Variants in SLIT2 observed in about 807,000 individuals in gnomAD.
SLIT2 encodes the protein slit guidance ligand 2.
SLIT2 carries 41 observed loss-of-function variants against 185.7 expected under a neutral mutation model. The ratio of observed to expected loss-of-function variants is 0.22; its 90% CI spans 0.17 to 0.29. The LOEUF is 0.29. SLIT2 is among the 10% of genes least tolerant of loss of function. The pLI is 1.00. For synonymous variants in SLIT2, 693 were observed against 680.2 expected, an observed-to-expected ratio of 1.02 and a Z score of -0.29; for missense variants, 1,571 against 1,909.0, an observed-to-expected ratio of 0.82 and a Z score of 3.30.
intron 15 of SLIT2, among the ~76,000 whole-genome samples, chr4:20,527,025 G>A (rs999996221): frequency 2.0e-5 from 3 of 152,178 alleles, no homozygotes; most frequent in African/African-American, 4.8e-5. Flanking sequence ...ACTGCCAAAT[G>A]TAATGAAACG....
intron 9 of SLIT2, among the ~76,000 whole-genome samples, chr4:20,508,490 A>G (rs1459657785): frequency 6.6e-6 from 1 of 152,110 alleles, no homozygotes; most frequent in East Asian, 1.9e-4. Flanking sequence ...AATGTCTTAC[A>G]AAATGTTAAA....
chr4:20,554,892 C>A (rs1724109855), intron 26 of SLIT2, among the ~76,000 whole-genome samples: 1 of 152,114 alleles, frequency 6.6e-6, no homozygotes, highest in Non-Finnish European at 1.5e-5. Context: ...GCCTCAGCCT[C>A]CCGAGTAGCT....
chr4:20,337,772 A>G (rs138009566), intron 4 of SLIT2, among the ~76,000 whole-genome samples: 69 of 152,312 alleles, frequency 4.5e-4, no homozygotes, highest in African/African-American at 1.6e-3. Context: ...GTTGATCTCA[A>G]CATGTAGCAG....
At chr4:20,539,704 G>T in intron 19 of SLIT2, 120 bp downstream of exon 19, 4 of 600,006 alleles carry the variant, frequency 6.7e-6, no homozygotes, top group South Asian at 5.7e-5. Context: ...ACTTAAAAAA[G>T]GACAAACTTG....
At chr4:20,325,809 G>A (rs1264753267) in intron 4 of SLIT2, among the ~76,000 whole-genome samples, 1 of 152,012 alleles carries the variant, frequency 6.6e-6, no homozygotes, top group Non-Finnish European at 1.5e-5. Context: ...TTCAAAGCTA[G>A]GAAAGAAAAA....
chr4:20,601,693 T>C, intron 33 of SLIT2, among the ~76,000 whole-genome samples: 1 of 152,228 alleles, frequency 6.6e-6, no homozygotes, highest in East Asian at 1.9e-4. Context: ...GTGTAAAATC[T>C]TTGATGAAAG....
chr4:20,328,868 G>A (rs926261703), intron 4 of SLIT2, among the ~76,000 whole-genome samples: 2 of 152,050 alleles, frequency 1.3e-5, no homozygotes, highest in African/African-American at 4.8e-5. Context: ...CAAAATAAAT[G>A]TGTGTATGTA....
intron 25 of SLIT2, among the ~76,000 whole-genome samples, chr4:20,553,439 T>C (rs116190595): frequency 0.024 from 3,579 of 152,284 alleles, 61 homozygotes; most frequent in South Asian, 0.1. Context: ...CTCAGAACCT[T>C]GCATTGTGAC....
At chr4:20,259,670 A>G (rs1315518989) in intron 3 of SLIT2, among the ~76,000 whole-genome samples, 1 of 151,800 alleles carries the variant, frequency 6.6e-6, no homozygotes, top group Non-Finnish European at 1.5e-5. Context: ...ATTTGATTAG[A>G]GTTGTAAGTA....
intron 4 of SLIT2, among the ~76,000 whole-genome samples, chr4:20,369,402 CT>C (rs1723390253): frequency 6.6e-6 from 1 of 152,114 alleles, no homozygotes; most frequent in Non-Finnish European, 1.5e-5. Flanking sequence ...GAAAACCCAG[CT>C]GCTGTGGGCT....
At chr4:20,611,166 A>G (rs1477631693) in intron 34 of SLIT2, among the ~76,000 whole-genome samples, 1 of 152,252 alleles carries the variant, frequency 6.6e-6, no homozygotes, top group Admixed American at 6.5e-5. Context: ...TTTCATCACC[A>G]TGACAGATAT....
intron 4 of SLIT2, among the ~76,000 whole-genome samples, chr4:20,401,674 G>A (rs926004035): frequency 6.6e-6 from 1 of 151,840 alleles, no homozygotes; most frequent in Admixed American, 6.6e-5. Context: ...TTGACATAAT[G>A]AAGAGATTAT....
At chr4:20,348,796 C>G (rs1721642506) in intron 4 of SLIT2, among the ~76,000 whole-genome samples, 1 of 152,194 alleles carries the variant, frequency 6.6e-6, no homozygotes, top group African/African-American at 2.4e-5. Flanking sequence ...CAGTGGCCTT[C>G]TGCAGCTCTG....
intron 9 of SLIT2, among the ~76,000 whole-genome samples, chr4:20,510,275 T>A (rs1001098026): frequency 2.0e-5 from 3 of 152,180 alleles, no homozygotes; most frequent in African/African-American, 7.2e-5. Context: ...TACTTAAAAA[T>A]CTGAATATTT....
At chr4:20,561,133 A>G (rs1000235804) in intron 26 of SLIT2, among the ~76,000 whole-genome samples, 3 of 151,818 alleles carry the variant, frequency 2.0e-5, no homozygotes, top group African/African-American at 4.8e-5. Context: ...GAGGAGGCCC[A>G]AAAGGGGAGG....
At chr4:20,443,510 A>G (rs1415947205) in intron 4 of SLIT2, among the ~76,000 whole-genome samples, 1 of 145,994 alleles carries the variant, frequency 6.8e-6, no homozygotes, top group Non-Finnish European at 1.5e-5. Flanking sequence ...TTAGTCATTC[A>G]TTCATTCATC....
chr4:20,370,826 G>A lies in SLIT2; in HGVS notation c.396-96926G>A, dbSNP rs1277657763. ...TACATTTTCCTGTAAAACAGAGGAA[G>A]TCCCAAATCCCATGGGTAGTTTTTA... is the stretch of plus-strand genomic sequence containing the variant. On this transcript the variant is annotated intron_variant, in intron 4 of 36. Coordinates refer to ENST00000504154, the MANE Select transcript of SLIT2 (RefSeq NM_004787.4). Among the ~76,000 whole-genome samples, 4 of 152,082 alleles carry A rather than the reference G, an allele frequency of 2.6e-5. 1 individual carries two copies. The South Asian group carries it at 6.2e-4, about 24-fold the overall frequency.
chr4:20,562,967 A>G (rs970956917), intron 26 of SLIT2, among the ~76,000 whole-genome samples: 3 of 151,732 alleles, frequency 2.0e-5, no homozygotes, highest in African/African-American at 7.3e-5. Context: ...TTGGTAATAA[A>G]TCAAAATGAG....
intron 4 of SLIT2, among the ~76,000 whole-genome samples, chr4:20,280,287 C>G (rs7668969): frequency 0.037 from 5,492 of 148,632 alleles, 258 homozygotes; most frequent in East Asian, 0.1. Flanking sequence ...GAGCCGAGAC[C>G]GCATCACTGC....
Sources: allele counts gnomAD v4.1 joint callset (sites outside exome capture counted in the v4.1 genomes callset), GRCh38; gene constraint gnomAD v4.1.1; transcripts MANE v1.5; gene names NCBI Gene and HGNC (gene_info 2026-07-23, HGNC 2026-07-21).